Variants in SGSM1 observed in about 807,000 individuals in gnomAD.
SGSM1 encodes RUN and TBC1 domain containing 2.
Under a neutral mutation model 133.8 loss-of-function variants are expected in SGSM1, and 73 were observed. The observed-to-expected ratio is 0.55, with a 90% CI of 0.45 to 0.66. SGSM1 has a LOEUF of 0.66. SGSM1 is among the 30% of genes least tolerant of loss of function. The pLI, the probability that SGSM1 is intolerant of heterozygous loss-of-function variation, is 0.00. For missense variants in SGSM1, 1,213 were observed against 1,448.1 expected, an observed-to-expected ratio of 0.84 and a Z score of 2.64; for synonymous variants, 563 against 573.0, an observed-to-expected ratio of 0.98 and a Z score of 0.25.
chr22:24,892,830 C>T (rs1224466644), intron 16 of SGSM1, among the ~76,000 whole-genome samples: 4 of 146,302 alleles, frequency 2.7e-5, no homozygotes, highest in Admixed American at 6.9e-5. Flanking sequence ...GGGCGGATCA[C>T]GAGGTCAAGA....
chr22:24,818,942 C>G (rs150688062), intron 2 of SGSM1, among the ~76,000 whole-genome samples: 3 of 151,718 alleles, frequency 2.0e-5, no homozygotes, highest in Non-Finnish European at 4.4e-5. Context: ...GTCAGGAGAT[C>G]GAGACAATCC....
chr22:24,863,152 TTTTG>T (rs1158161639), intron 9 of SGSM1, among the ~76,000 whole-genome samples: 7 of 152,186 alleles, frequency 4.6e-5, no homozygotes, highest in Admixed American at 2.0e-4. Flanking sequence ...TAGGCACTGT[TTTTG>T]TTTGTTTGTT....
At chr22:24,920,753 G>A (rs556060963) in intron 24 of SGSM1, among the ~76,000 whole-genome samples, 1 of 152,170 alleles carries the variant, frequency 6.6e-6, no homozygotes, top group Non-Finnish European at 1.5e-5. Flanking sequence ...TAAACTTTTT[G>A]GGGGAATAAT....
At chr22:24,920,442 C>T (rs1933964863) in intron 24 of SGSM1, among the ~76,000 whole-genome samples, 1 of 152,202 alleles carries the variant, frequency 6.6e-6, no homozygotes, top group Non-Finnish European at 1.5e-5. Flanking sequence ...GATCCAGGCT[C>T]CTGGGAGCTG....
rs1333469594 is a variant in SGSM1, at chr22:24,816,409, T to TTTTC, written c.63+9933_63+9936dup. On this transcript the variant is annotated intron_variant, in intron 2 of 24. Transcript: ENST00000400358. ...TGAAGCTAAAAAATTGATTTCTTTT[T>TTTTC]TTTCTTTCTTTTTTTTTTTTTTTTG... 1.4e-3 allele frequency among the ~76,000 whole-genome samples: 178 copies of TTTTC among 126,428 alleles called. 6 individuals carry two copies. In the East Asian group the frequency reaches 0.044, roughly 32 times the overall value. 82.9% of individuals were successfully genotyped at this position (126,428 alleles called of 152,430 possible).
intron 13 of SGSM1, among the ~76,000 whole-genome samples, chr22:24,877,997 G>C (rs1932115350): frequency 6.6e-6 from 1 of 151,628 alleles, no homozygotes; most frequent in Non-Finnish European, 1.5e-5. Context: ...TTTTAGTAGA[G>C]ATGGGGTTTC....
intron 8 of SGSM1, among the ~76,000 whole-genome samples, chr22:24,856,257 T>C (rs1393690452): frequency 6.6e-6 from 1 of 152,250 alleles, no homozygotes; most frequent in Non-Finnish European, 1.5e-5. Flanking sequence ...TGTCAGGCAC[T>C]GTGCAAAATG....
At position 24,884,164 on chromosome 22, in the gene SGSM1, C is replaced by T. The variant is rs372740239; in HGVS notation, c.1607C>T (p.Ala536Val). The change falls in exon 15 of 25, where the codon GCC becomes GTC. Residue 536 changes from alanine to valine, a missense_variant. Ala to Val is a moderately conservative substitution (Grantham distance 64, BLOSUM62 0). Coordinates refer to ENST00000400358, the MANE Select transcript of SGSM1 (RefSeq NM_001098497.3). ...LPCDAGQGLT[A>V]RIWEQYLHDS... ...TGCGATGCTGGACAGGGACTGACAG[C>T]CAGGATCTGGGAGCAGTACCTTCAC... The T allele has an allele frequency of 1.9e-6, 3 of 1,613,814 alleles. No homozygotes were observed. Among genetic ancestry groups the T allele is most frequent in the African/African-American group, 2.7e-5 (2 of 74,924 alleles).
rs1245382577 is a variant in SGSM1 at position 24,926,752 on chromosome 22, C to T, written c.*2478C>T. On this transcript the variant is annotated 3_prime_UTR_variant, in exon 25 of 25. Transcript: ENST00000400358. Reference sequence around the variant, plus strand: ...ACTCGTTCTGTCCGCGGAGTGCACTCTTTTTTTCAGTGTGGCCCACATATC... The same window carrying T: ...ACTCGTTCTGTCCGCGGAGTGCACTTTTTTTTTCAGTGTGGCCCACATATC... 6.6e-6 allele frequency: 1 copy of T among 151,656 alleles called. No individual in the cohort carries two copies. Among genetic ancestry groups the T allele is most frequent in the Non-Finnish European group, 1.5e-5 (1 of 67,990 alleles). The allele number at this position is 151,656 out of a possible 1,614,324, so 9.4% of individuals were successfully genotyped here.
At chr22:24,833,059 C>T (rs917678937) in intron 2 of SGSM1, among the ~76,000 whole-genome samples, 11 of 151,838 alleles carry the variant, frequency 7.2e-5, no homozygotes, top group African/African-American at 9.7e-5. Flanking sequence ...CTCAGCCTCC[C>T]GAGTAGCTGG....
At chr22:24,915,987 G>GT (rs1933806844) in intron 22 of SGSM1, among the ~76,000 whole-genome samples, 1 of 151,834 alleles carries the variant, frequency 6.6e-6, no homozygotes, top group South Asian at 2.1e-4. Flanking sequence ...TTTCAAACAT[G>GT]TTTTTTTCCC....
intron 2 of SGSM1, among the ~76,000 whole-genome samples, chr22:24,807,888 C>CGTGTGTGTGTGTGTGTGTGTGTGTGT (rs71189301): frequency 1.4e-5 from 2 of 147,666 alleles, no homozygotes; most frequent in African/African-American, 5.0e-5. Context: ...TATGTGCCTG[C>CGTGTGTGTGTGTGTGTGTGTGTGTGT]GTGTGTGTGT....
At chr22:24,869,871 T>G (rs1931680653) in intron 12 of SGSM1, among the ~76,000 whole-genome samples, 1 of 152,158 alleles carries the variant, frequency 6.6e-6, no homozygotes, top group Non-Finnish European at 1.5e-5. Context: ...ATGGTGAGGA[T>G]TCAGTGAATT....
intron 9 of SGSM1, among the ~76,000 whole-genome samples, chr22:24,864,803 A>G (rs4470421): frequency 2.0e-5 from 3 of 152,286 alleles, no homozygotes; most frequent in African/African-American, 7.2e-5. Context: ...ACACTTACAG[A>G]GAGTAAATTC....
At chr22:24,822,080 A>ATCTC (rs200350405) in intron 2 of SGSM1, among the ~76,000 whole-genome samples, 21 of 120,782 alleles carry the variant, frequency 1.7e-4, no homozygotes, top group South Asian at 1.4e-3. Context: ...CTACCTGTTC[A>ATCTC]TCTCTCTCTT....
intron 12 of SGSM1, chr22:24,874,375 AAC>A: frequency 6.4e-7 from 1 of 1,568,386 alleles, no homozygotes; most frequent in Non-Finnish European, 8.6e-7. Flanking sequence ...CCCACCGCAG[AAC>A]CCCCACCTCA....
intron 2 of SGSM1, among the ~76,000 whole-genome samples, chr22:24,825,277 C>A (rs1312050843): frequency 6.6e-6 from 1 of 152,132 alleles, no homozygotes; most frequent in Non-Finnish European, 1.5e-5. Context: ...TTGGTCCATG[C>A]AACTTATCCT....
chr22:24,908,980 C>T lies in SGSM1; in HGVS notation c.2819-3663C>T, dbSNP rs571350005. 6.5e-4 allele frequency among the ~76,000 whole-genome samples: 99 copies of T among 152,318 alleles called. 1 individual carries two copies. The highest frequency in any genetic ancestry group is 2.3e-3 in the African/African-American group (96 of 41,580). ...TGCCACAGACAGGAACCTTGCCGCA[C>T]GGCAGGAGGTGAGCAGTAGGCTAGT... On this transcript the variant is annotated intron_variant, in intron 21 of 24. Transcript: ENST00000400358.
intron 2 of SGSM1, among the ~76,000 whole-genome samples, chr22:24,807,147 C>T (rs1388234918): frequency 6.6e-6 from 1 of 152,044 alleles, no homozygotes; most frequent in Admixed American, 6.5e-5. Flanking sequence ...GGGGTCAGCG[C>T]GTGGAGAGGG....
Sources: gnomAD v4.1 joint callset for allele counts (sites outside exome capture counted in the v4.1 genomes callset) on GRCh38, gnomAD v4.1.1 for gene constraint, MANE v1.5 for transcripts, NCBI Gene and HGNC (gene_info 2026-07-23, HGNC 2026-07-21) for gene names.